Variants in ERN1 observed in about 807,000 individuals in gnomAD.
The protein encoded by ERN1 is serine/threonine-protein kinase/endoribonuclease IRE1.
ERN1 carries 39 observed loss-of-function variants against 113.1 expected under a neutral mutation model. The ratio of observed to expected loss-of-function variants is 0.34; its 90% CI spans 0.27 to 0.45. The LOEUF is 0.45. Among genes scored for constraint, ERN1 ranks in the 20% least tolerant of loss-of-function variants. ERN1 has a pLI of 1.00. For synonymous variants in ERN1, 507 were observed against 515.9 expected, an observed-to-expected ratio of 0.98 and a Z score of 0.23; for missense variants, 976 against 1,274.8, an observed-to-expected ratio of 0.77 and a Z score of 3.57.
At position 64,066,748 on chromosome 17, in the gene ERN1, G is replaced by A. The variant is rs1469946916; in HGVS notation, c.765C>T (p.Phe255=). The change falls in exon 8 of 22, where the codon TTC becomes TTT. Residue 255 remains phenylalanine, a synonymous_variant. Transcript: ENST00000433197. The part of the protein sequence containing the change: ...VAVETLRYLT[F]MSGEVGRITK... ...TGATGCGCCCCACCTCCCCAGACAT[G>A]AAGGTCAGATAGCGCAGGGTCTCCA... The A allele has an allele frequency of 6.2e-7, 1 of 1,613,952 alleles. No homozygotes were observed. Among genetic ancestry groups the A allele is most frequent in the East Asian group, 2.2e-5 (1 of 44,872 alleles).
chr17:64,056,601 A>G (rs569298935), intron 12 of ERN1, among the ~76,000 whole-genome samples: 5 of 152,186 alleles, frequency 3.3e-5, no homozygotes, highest in Non-Finnish European at 7.3e-5. Context: ...TCATTCTGTC[A>G]TTATCTGAAG....
chr17:64,124,408 T>G (rs1306219631), intron 1 of ERN1, among the ~76,000 whole-genome samples: 1 of 152,194 alleles, frequency 6.6e-6, no homozygotes, highest in Non-Finnish European at 1.5e-5. Context: ...CCAAATCTCA[T>G]CTTGTAGCTC....
rs1316647345 is a variant in ERN1, at chr17:64,088,657, T to C, written c.176-7849A>G. On this transcript the variant is annotated intron_variant, in intron 2 of 21. Transcript: ENST00000433197. Reference sequence around the variant, plus strand: ...CAGCTGGGTTCTCTGTTAAGTGCCATGCAGGATAAAGAAGGGAGCTTATGG... The same window carrying C: ...CAGCTGGGTTCTCTGTTAAGTGCCACGCAGGATAAAGAAGGGAGCTTATGG... Among the ~76,000 whole-genome samples, 3 of 152,286 alleles carry C rather than the reference T, an allele frequency of 2.0e-5. No individual in the cohort carries two copies. The South Asian group carries it at 6.2e-4, about 32-fold the overall frequency.
intron 7 of ERN1, 24 bp from the exon 8 acceptor site, chr17:64,066,956 C>T (rs1362468957): frequency 6.2e-7 from 1 of 1,602,396 alleles, no homozygotes; most frequent in African/African-American, 1.3e-5. Flanking sequence ...ATAAACAAAG[C>T]ATGCTGAGTC....
chr17:64,039,292 G>A lies in ERN1; in HGVS notation c.*4696C>T, dbSNP rs182546359. On this transcript the variant is annotated 3_prime_UTR_variant, in exon 22 of 22. Coordinates refer to ENST00000433197, the MANE Select transcript of ERN1 (RefSeq NM_001433.5). ...TCAAGCTTTAAAAATGCACATAAAA[G>A]TTGTACAATCTGGCAGTTTATAAAA... 6.6e-6 allele frequency: 1 copy of A among 152,246 alleles called. No homozygotes were observed. Among genetic ancestry groups the A allele is most frequent in the African/African-American group, 2.4e-5 (1 of 41,534 alleles). The allele number at this position is 152,246 out of a possible 1,614,324, so 9.4% of individuals were successfully genotyped here. A position where few individuals can be genotyped will look rare whatever the true frequency, so the allele number is the denominator to read the frequency against.
chr17:64,091,988 T>C (rs996468962), intron 2 of ERN1, among the ~76,000 whole-genome samples: 7 of 152,124 alleles, frequency 4.6e-5, no homozygotes, highest in Non-Finnish European at 1.0e-4. Context: ...GCCACCACTA[T>C]AGACAACACC....
Position 64,049,088 on chromosome 17 carries a change from A to G in ERN1, c.2368T>C (p.Cys790Arg). 6.2e-7 allele frequency: 1 copy of G among 1,604,940 alleles called. No homozygotes were observed. The highest frequency in any genetic ancestry group is 8.5e-7 in the Non-Finnish European group (1 of 1,172,922). Residue 790 changes from cysteine to arginine, a missense_variant, in exon 18 of 22, where the codon TGC becomes CGC. Physicochemically the swap from Cys to Arg is radical, Grantham distance 180. Around this residue, in one of 5 missense-constraint regions of ERN1, gnomAD observed 297 missense variants for 457.8 expected, o/e 0.65. Transcript: ENST00000433197. The surrounding 1 kb of genome is among the most constrained non-coding windows in gnomAD (Gnocchi z 4.7). ...QRQANILLGA[C>R]SLDCLHPEKH... is the part of the protein sequence containing the mutation. Reference sequence around the variant, plus strand: ...TCTGGGTGCAAGCAGTCAAGGCTGCAGGCACCCAGGAGGATGTTGGCCTGC... The same window carrying G: ...TCTGGGTGCAAGCAGTCAAGGCTGCGGGCACCCAGGAGGATGTTGGCCTGC...
chr17:64,088,399 C>T (rs1376391314), intron 2 of ERN1, among the ~76,000 whole-genome samples: 4 of 152,148 alleles, frequency 2.6e-5, no homozygotes, highest in Non-Finnish European at 4.4e-5. Context: ...TAAGTGTAAC[C>T]CTAGCAGTGA....
chr17:64,129,958 C>A lies in ERN1; in HGVS notation c.54+18G>T. ...CCGTCGCGAGCTGTCCTCCACCCCA[C>A]GCTCCCCGGTCACTCACCCCGAGGC... On this transcript the variant is annotated intron_variant, in intron 1 of 21. Transcript: ENST00000433197. 6.9e-7 allele frequency: 1 copy of A among 1,442,098 alleles called. No homozygotes were observed. The highest frequency in any genetic ancestry group is 9.1e-7 in the Non-Finnish European group (1 of 1,103,418). The allele number at this position is 1,442,098 out of a possible 1,614,324, so 89.3% of individuals were successfully genotyped here.
At chr17:64,057,354 C>CT (rs111691106) in intron 12 of ERN1, among the ~76,000 whole-genome samples, 3,223 of 15,832 alleles carry the variant, frequency 0.2, 115 homozygotes, top group African/African-American at 0.22. Flanking sequence ...CAAACACTGA[C>CT]TTTTTTTTTC....
chr17:64,096,592 C>T (rs1471076955), intron 2 of ERN1, among the ~76,000 whole-genome samples: 9 of 152,188 alleles, frequency 5.9e-5, no homozygotes, highest in South Asian at 2.1e-4. Flanking sequence ...AAAACTTCCA[C>T]GAAACTGGTC....
intron 18 of ERN1, among the ~76,000 whole-genome samples, chr17:64,048,317 G>A (rs144645984): frequency 1.9e-4 from 29 of 152,258 alleles, no homozygotes; most frequent in South Asian, 6.2e-4. Context: ...GCTGAAAAAC[G>A]TGCATGCTGC....
At chr17:64,129,688 C>G (rs943893101) in intron 1 of ERN1, 1 of 374,796 alleles carries the variant, frequency 2.7e-6, no homozygotes, top group Non-Finnish European at 4.7e-6. Context: ...AAGTTGCGCC[C>G]GAGCCCGCGG....
Position 64,080,828 on chromosome 17 carries a change from A to T in ERN1, c.176-20T>A. Reference sequence around the variant, plus strand: ...CTGGATCTGTGCAAAAGAACAACAAAGCCATCATCAGAAACATCCCAAAAT... The same window carrying T: ...CTGGATCTGTGCAAAAGAACAACAATGCCATCATCAGAAACATCCCAAAAT... On this transcript the variant is annotated intron_variant, in intron 2 of 21. Coordinates refer to ENST00000433197, the MANE Select transcript of ERN1 (RefSeq NM_001433.5). 6.2e-7 allele frequency: 1 copy of T among 1,605,972 alleles called. No homozygotes were observed. The highest frequency in any genetic ancestry group is 8.5e-7 in the Non-Finnish European group (1 of 1,176,128).
intron 1 of ERN1, among the ~76,000 whole-genome samples, chr17:64,120,315 C>T (rs952150053): frequency 6.6e-6 from 1 of 152,148 alleles, no homozygotes; most frequent in Non-Finnish European, 1.5e-5. Flanking sequence ...TCTGATTTAC[C>T]TTGGTCAACA....
chr17:64,085,494 C>A (rs1487338302), intron 2 of ERN1, among the ~76,000 whole-genome samples: 3 of 152,178 alleles, frequency 2.0e-5, no homozygotes, highest in Non-Finnish European at 4.4e-5. Flanking sequence ...GAGGGATCCA[C>A]CCCCAAGACC....
At chr17:64,089,315 T>G (rs1387953080) in intron 2 of ERN1, among the ~76,000 whole-genome samples, 1 of 66,022 alleles carries the variant, frequency 1.5e-5, no homozygotes, top group African/African-American at 7.3e-5. Context: ...TGAGAATCCA[T>G]CTCAAAAAAA....
intron 12 of ERN1, among the ~76,000 whole-genome samples, chr17:64,057,509 C>T (rs1383954460): frequency 6.6e-6 from 1 of 152,158 alleles, no homozygotes; most frequent in Non-Finnish European, 1.5e-5. Context: ...GCTGGGACTA[C>T]AGGCCCCTGC....
At chr17:64,126,176 T>C (rs1567891292) in intron 1 of ERN1, among the ~76,000 whole-genome samples, 1 of 152,212 alleles carries the variant, frequency 6.6e-6, no homozygotes, top group Non-Finnish European at 1.5e-5. Flanking sequence ...CATCACGCTC[T>C]AATCATATTC....
Sources: allele counts gnomAD v4.1 joint callset (sites outside exome capture counted in the v4.1 genomes callset), GRCh38; gene constraint gnomAD v4.1.1; regional missense constraint gnomAD v4.1.1; non-coding constraint Gnocchi (gnomAD v3.1); transcripts MANE v1.5; gene names NCBI Gene and HGNC (gene_info 2026-07-23, HGNC 2026-07-21).